Variants in RBM34 observed in about 807,000 individuals in gnomAD.
The protein encoded by RBM34 is RNA-binding protein 34.
In RBM34, 39 loss-of-function variants were observed where a neutral mutation model predicts 44.6. The observed-to-expected ratio is 0.87, with a 90% CI of 0.68 to 1.14. The LOEUF (loss-of-function observed/expected upper bound fraction) is 1.14, where lower values mean the gene tolerates loss of function less well. Among genes scored for constraint, RBM34 ranks in the 50% most tolerant of loss-of-function variants. RBM34 has a pLI of 0.00. For synonymous variants in RBM34, 194 were observed against 184.0 expected, an observed-to-expected ratio of 1.05 and a Z score of -0.44; for missense variants, 572 against 517.9, an observed-to-expected ratio of 1.10 and a Z score of -1.01.
chr1:235,145,845 G>C (rs531234799), intron 6 of RBM34, among the ~76,000 whole-genome samples: 248 of 152,204 alleles, frequency 1.6e-3, no homozygotes, highest in Middle Eastern at 3.4e-3. Flanking sequence ...CAGTGCAGTG[G>C]TGTGATCACA....
At chr1:235,149,480 T>C (rs947868005) in intron 5 of RBM34, among the ~76,000 whole-genome samples, 3 of 152,008 alleles carry the variant, frequency 2.0e-5, no homozygotes, top group Admixed American at 2.0e-4. Context: ...TTTTTAAATA[T>C]GTCTAACTGA....
intron 10 of RBM34, among the ~76,000 whole-genome samples, chr1:235,132,329 A>G (rs1661242948): frequency 6.7e-6 from 1 of 150,224 alleles, no homozygotes; most frequent in African/African-American, 2.5e-5. Context: ...TCTTTTTTTG[A>G]GACGGAATCT....
intron 10 of RBM34, among the ~76,000 whole-genome samples, chr1:235,135,352 C>T (rs1054730643): frequency 2.6e-5 from 4 of 152,094 alleles, no homozygotes; most frequent in Admixed American, 2.6e-4. Context: ...CCTCAGCCTC[C>T]TGAGTAGCTG....
At chr1:235,154,177 C>T (rs2102857582) in intron 4 of RBM34, among the ~76,000 whole-genome samples, 1 of 149,034 alleles carries the variant, frequency 6.7e-6, no homozygotes, top group South Asian at 2.1e-4. Context: ...ACCCAGGAGG[C>T]GGAGCTTGCA....
chr1:235,158,939 A>G (rs892821526), intron 3 of RBM34, among the ~76,000 whole-genome samples: 98 of 151,456 alleles, frequency 6.5e-4, no homozygotes, highest in African/African-American at 2.3e-3. Flanking sequence ...GCAACATAGC[A>G]AGACCCTGTT....
Position 235,131,342 on chromosome 1 carries a change from A to G in RBM34, c.*371T>C, listed in dbSNP as rs1375464312. 6.0e-6 allele frequency: 1 copy of G among 165,466 alleles called. No homozygotes were observed. Among genetic ancestry groups the G allele is most frequent in the Admixed American group, 5.9e-5 (1 of 16,866 alleles). The allele number at this position is 165,466 out of a possible 1,614,324, so 10.2% of individuals were successfully genotyped here. On this transcript the variant is annotated 3_prime_UTR_variant, in exon 11 of 11. Transcript: ENST00000408888. ...GCCAACATGGTGAAACCCCGTCTCT[A>G]CTAAAAATACAAAAAATTAGCCAGG... is the stretch of plus-strand genomic sequence containing the variant.
At chr1:235,132,246 G>GTT (rs889208352) in intron 10 of RBM34, among the ~76,000 whole-genome samples, 5 of 147,576 alleles carry the variant, frequency 3.4e-5, no homozygotes, top group African/African-American at 1.2e-4. Context: ...AGGCTTCGTG[G>GTT]TTTTTTTTTT....
At chr1:235,139,925 G>C (rs546649534) in intron 6 of RBM34, among the ~76,000 whole-genome samples, 1 of 152,306 alleles carries the variant, frequency 6.6e-6, no homozygotes, top group East Asian at 1.9e-4. Context: ...AGCGTGGGCT[G>C]GGCCTGAAAC....
intron 3 of RBM34, 151 bp downstream of exon 3, chr1:235,160,360 C>G: frequency 9.6e-7 from 1 of 1,037,124 alleles, no homozygotes; most frequent in South Asian, 1.3e-5. Flanking sequence ...GTTTCTTAGC[C>G]TTTTCAACTT....
intron 6 of RBM34, among the ~76,000 whole-genome samples, chr1:235,144,435 T>C (rs1251425476): frequency 6.7e-6 from 1 of 150,152 alleles, no homozygotes; most frequent in Non-Finnish European, 1.5e-5. Context: ...TGCCTACATA[T>C]GTTAAAATTA....
At chr1:235,154,388 A>G (rs1161760656) in intron 4 of RBM34, among the ~76,000 whole-genome samples, 5 of 149,508 alleles carry the variant, frequency 3.3e-5, no homozygotes, top group African/African-American at 7.4e-5. Flanking sequence ...CCTGGGCAAC[A>G]TAGTCACAAA....
chr1:235,156,893 A>T (rs559028906), intron 3 of RBM34, among the ~76,000 whole-genome samples: 1 of 152,246 alleles, frequency 6.6e-6, no homozygotes, highest in Non-Finnish European at 1.5e-5. Flanking sequence ...GTATGCAAAC[A>T]TAAACGAGAA....
chr1:235,154,954 T>C lies in RBM34; in HGVS notation c.524A>G (p.Asn175Ser), dbSNP rs759620209. 1.7e-5 allele frequency: 28 copies of C among 1,614,058 alleles called. No individual in the cohort carries two copies. The highest frequency in any genetic ancestry group is 1.7e-4 in the Admixed American group (10 of 60,000). Residue 175 changes from asparagine to serine, a missense_variant, in exon 4 of 11, where the codon AAC becomes AGC. Asn to Ser is a conservative substitution (Grantham distance 46). Coordinates refer to ENST00000408888, the MANE Select transcript of RBM34 (RefSeq NM_015014.4). ...VVSQRKKIQI[N>S]QEEERLKNER... ...ATTCTTTAATCTCTCTTCTTCTTGG[T>C]TGATTTGAATTTTCTTTCTTTGACT... is the stretch of plus-strand genomic sequence containing the variant.
At chr1:235,139,286 G>T (rs183504853) in intron 6 of RBM34, among the ~76,000 whole-genome samples, 20 of 152,204 alleles carry the variant, frequency 1.3e-4, no homozygotes, top group Non-Finnish European at 1.0e-4. Flanking sequence ...CATGACTGAT[G>T]GCATTCTGTA....
chr1:235,149,388 CAAAA>C (rs1171671362), intron 5 of RBM34, among the ~76,000 whole-genome samples: 1 of 57,988 alleles, frequency 1.7e-5, no homozygotes, highest in East Asian at 5.6e-4. Flanking sequence ...GACTCCGTCT[CAAAA>C]AAAAAAAAAA....
At chr1:235,140,809 T>C (rs1257360361) in intron 6 of RBM34, among the ~76,000 whole-genome samples, 1 of 152,162 alleles carries the variant, frequency 6.6e-6, no homozygotes, top group African/African-American at 2.4e-5. Context: ...GGATTGTAAA[T>C]ACACCAATCA....
chr1:235,135,439 G>A (rs1238611776), intron 10 of RBM34, among the ~76,000 whole-genome samples: 1 of 151,842 alleles, frequency 6.6e-6, no homozygotes, highest in Non-Finnish European at 1.5e-5. Flanking sequence ...ATGTGGGCCA[G>A]GCTGGTCTCA....
At chr1:235,139,986 T>C (rs898360984) in intron 6 of RBM34, among the ~76,000 whole-genome samples, 2 of 152,224 alleles carry the variant, frequency 1.3e-5, no homozygotes, top group Non-Finnish European at 2.9e-5. Flanking sequence ...CCTCAGGATC[T>C]GCCCCACTGA....
intron 10 of RBM34, among the ~76,000 whole-genome samples, chr1:235,134,731 G>A (rs1392602605): frequency 6.7e-6 from 1 of 149,158 alleles, no homozygotes; most frequent in Non-Finnish European, 1.5e-5. Flanking sequence ...TATAAATTCA[G>A]TTCTCGTTTT....
Sources: gnomAD v4.1 joint callset for allele counts (sites outside exome capture counted in the v4.1 genomes callset) on GRCh38, gnomAD v4.1.1 for gene constraint, MANE v1.5 for transcripts, NCBI Gene and HGNC (gene_info 2026-07-23, HGNC 2026-07-21) for gene names.